DIAPH2: variants seen among roughly 807,000 people sequenced by gnomAD.
DIAPH2 encodes diaphanous related formin 2, also known as protein diaphanous homolog 2.
A neutral mutation model predicts 92.7 loss-of-function variants in DIAPH2; 35 were observed. The observed-to-expected ratio is 0.38, with a 90% CI of 0.29 to 0.50. The LOEUF is 0.50. Ranked by LOEUF, DIAPH2 falls within the 20% of genes least tolerant of loss-of-function variation. The pLI is 0.94. For missense variants in DIAPH2, 701 were observed against 819.5 expected (o/e 0.86, Z 1.77); for synonymous variants, 301 against 280.4 (o/e 1.07, Z -0.73).
intron 3 of DIAPH2, among the ~76,000 whole-genome samples, chrX:96,741,777 C>T (rs1378211272): frequency 8.9e-6 from 1 of 111,810 alleles, no homozygotes; most frequent in African/African-American, 3.3e-5. Context: ...AGCCACCATG[C>T]CCAGTCTCTC....
At chrX:97,119,685 A>AG (rs2067041556) in intron 21 of DIAPH2, among the ~76,000 whole-genome samples, 1 of 111,461 alleles carries the variant, frequency 9.0e-6, no homozygotes. Flanking sequence ...GGGCAGGTCT[A>AG]GGCATGTCTG....
intron 1 of DIAPH2, among the ~76,000 whole-genome samples, chrX:96,710,609 G>A (rs1426824813): frequency 9.0e-6 from 1 of 111,306 alleles, no homozygotes; most frequent in Non-Finnish European, 1.9e-5. Flanking sequence ...AATGCCTAAT[G>A]CTAGTCAATC....
chrX:97,209,835 T>C (rs1235080349), intron 22 of DIAPH2, among the ~76,000 whole-genome samples: 1 of 111,101 alleles, frequency 9.0e-6, no homozygotes, highest in Non-Finnish European at 1.9e-5. Flanking sequence ...GTTAGGACCA[T>C]TTATAATCCT....
intron 26 of DIAPH2, among the ~76,000 whole-genome samples, chrX:97,554,031 T>C (rs2071240119): frequency 8.9e-6 from 1 of 111,883 alleles, no homozygotes; most frequent in South Asian, 3.7e-4. Context: ...TGTATTCATA[T>C]ACATAATATG....
intron 3 of DIAPH2, among the ~76,000 whole-genome samples, chrX:96,741,433 A>C (rs1046141595): frequency 9.4e-6 from 1 of 106,375 alleles, no homozygotes; most frequent in Non-Finnish European, 1.9e-5. Flanking sequence ...AGATATCTTC[A>C]TGCTGCCAAA....
chrX:96,872,579 C>T (rs190431873), intron 4 of DIAPH2, among the ~76,000 whole-genome samples: 1 of 105,454 alleles, frequency 9.5e-6, no homozygotes, highest in Non-Finnish European at 2.0e-5. Flanking sequence ...GCAACCTCCA[C>T]CTCCCTGATT....
intron 26 of DIAPH2, among the ~76,000 whole-genome samples, chrX:97,496,932 T>A (rs2070763047): frequency 8.9e-6 from 1 of 112,320 alleles, no homozygotes; most frequent in Admixed American, 9.4e-5. Flanking sequence ...TTTTTATATT[T>A]AAAAACTTCA....
At chrX:97,283,835 G>A (rs1458479917) in intron 23 of DIAPH2, among the ~76,000 whole-genome samples, 3 of 112,142 alleles carry the variant, frequency 2.7e-5, no homozygotes, top group Non-Finnish European at 5.6e-5. Flanking sequence ...CCAGCTACTC[G>A]GAAGGCTGAG....
At chrX:97,350,764 G>A (rs969302997) in intron 24 of DIAPH2, among the ~76,000 whole-genome samples, 1 of 111,711 alleles carries the variant, frequency 9.0e-6, no homozygotes, top group African/African-American at 3.3e-5. Flanking sequence ...GTCACAGTTC[G>A]AATTTCAGAG....
Position 97,601,724 on chromosome X carries a change from T to C in DIAPH2, c.*2407T>C, listed in dbSNP as rs1425897292. 8.9e-6 allele frequency: 1 copy of C among 112,389 alleles called. No homozygotes were observed. The highest frequency in any genetic ancestry group is 3.2e-5 in the African/African-American group (1 of 30,925). The allele number at this position is 112,389 out of a possible 1,213,427, so 9.3% of individuals were successfully genotyped here. A position where few individuals can be genotyped will look rare whatever the true frequency, so the allele number is the denominator to read the frequency against. On this transcript the variant is annotated 3_prime_UTR_variant, in exon 27 of 27. Coordinates refer to ENST00000324765, the MANE Select transcript of DIAPH2 (RefSeq NM_006729.5). ...TTTAAAAGGTACAGAATCCTTAAAA[T>C]ATTAACAACTAATTGCATCCATCAT...
At chrX:97,299,891 C>G (rs2068679343) in intron 23 of DIAPH2, among the ~76,000 whole-genome samples, 1 of 111,756 alleles carries the variant, frequency 8.9e-6, no homozygotes, top group East Asian at 2.8e-4. Flanking sequence ...AATCAAATAT[C>G]AAGACTAAAT....
intron 3 of DIAPH2, among the ~76,000 whole-genome samples, chrX:96,748,793 A>G (rs935870679): frequency 7.2e-5 from 8 of 111,712 alleles, no homozygotes; most frequent in Non-Finnish European, 1.3e-4. Context: ...TGTCAAAGGT[A>G]CTATCCCTGC....
At chrX:96,993,143 C>A (rs772371682) in intron 17 of DIAPH2, among the ~76,000 whole-genome samples, 1 of 112,214 alleles carries the variant, frequency 8.9e-6, no homozygotes, top group Admixed American at 9.4e-5. Flanking sequence ...GGAGAATGTT[C>A]CATGTTAATC....
At chrX:97,194,572 C>CCG (rs1288017573) in intron 22 of DIAPH2, among the ~76,000 whole-genome samples, 2 of 111,728 alleles carry the variant, frequency 1.8e-5, no homozygotes, top group East Asian at 2.8e-4. Flanking sequence ...GCGTGAACCA[C>CCG]TGCACCCGGC....
At chrX:96,937,722 A>G (rs1435310170) in intron 11 of DIAPH2, among the ~76,000 whole-genome samples, 1 of 112,212 alleles carries the variant, frequency 8.9e-6, no homozygotes, top group Admixed American at 9.5e-5. Flanking sequence ...TATTAAATCA[A>G]GCTTCAGTGA....
In DIAPH2 at chrX:96,949,913, G is replaced by A. The variant is rs113112822; in HGVS notation, c.1614+874G>A. Among the ~76,000 whole-genome samples, 325 of 109,078 alleles carry A rather than the reference G, an allele frequency of 3.0e-3. 4 individuals are homozygous for A. The highest frequency in any genetic ancestry group is 4.7e-3 in the Middle Eastern group (1 of 212). 94.7% of individuals were successfully genotyped at this position (109,078 alleles called of 115,157 possible). On this transcript the variant is annotated intron_variant, in intron 15 of 26. Transcript: ENST00000324765. The stretch of plus-strand genomic sequence containing the variant: ...TGAAGATGATGTCTTAACATAGTGG[G>A]TGCTCAGTAGATATTTGTTGATTGA...
chrX:97,506,138 CTTTTTTT>C (rs11385451), intron 26 of DIAPH2, among the ~76,000 whole-genome samples: 1 of 28,110 alleles, frequency 3.6e-5, no homozygotes, highest in Non-Finnish European at 5.7e-5. Context: ...TATCTAGTGC[CTTTTTTT>C]TTTTTTTTTT....
intron 1 of DIAPH2, among the ~76,000 whole-genome samples, chrX:96,714,922 A>G (rs1172729797): frequency 2.7e-5 from 3 of 112,002 alleles, no homozygotes; most frequent in African/African-American, 9.7e-5. Context: ...CATTTTTTGT[A>G]TATATGTGTC....
chrX:96,728,350 C>A (rs759102697), intron 1 of DIAPH2, among the ~76,000 whole-genome samples: 1 of 110,325 alleles, frequency 9.1e-6, no homozygotes. Context: ...GCTGGGATTA[C>A]AGGTGCCCAC....
Sources: allele counts gnomAD v4.1 joint callset (sites outside exome capture counted in the v4.1 genomes callset), GRCh38; gene constraint gnomAD v4.1.1; transcripts MANE v1.5; gene names NCBI Gene and HGNC (gene_info 2026-07-23, HGNC 2026-07-21).